Variants in EP400 observed in about 807,000 individuals in gnomAD.
EP400 encodes the protein E1A binding protein p400.
EP400 carries 105 observed loss-of-function variants against 354.1 expected under a neutral mutation model. The observed-to-expected ratio is 0.30, with a 90% CI of 0.25 to 0.35. EP400 has a LOEUF of 0.35. Among genes scored for constraint, EP400 ranks in the 10% least tolerant of loss-of-function variants. The pLI is 1.00. For missense variants in EP400, 3,280 were observed against 4,121.0 expected (o/e 0.80, Z 5.59); for synonymous variants, 1,646 against 1,716.9 (o/e 0.96, Z 1.02).
chr12:132,053,227 C>T lies in EP400; in HGVS notation c.7473+3C>T, dbSNP rs374594848. 6.2e-7 allele frequency: 1 copy of T among 1,613,528 alleles called. No homozygotes were observed. The highest frequency in any genetic ancestry group is 8.5e-7 in the Non-Finnish European group (1 of 1,179,978). ...AGCGAATCGCAAAAGAGAAAAAGGT[C>T]AGCGCCCTGGGCCCTTCTGCTTGAG... On this transcript the variant is annotated splice_donor_region_variant and intron_variant, in intron 42 of 52. Transcript: ENST00000389561.
At chr12:132,071,916 G>A (rs943589217) in intron 51 of EP400, among the ~76,000 whole-genome samples, 1 of 152,190 alleles carries the variant, frequency 6.6e-6, no homozygotes, top group Non-Finnish European at 1.5e-5. Context: ...GAGTACAGGT[G>A]TGTCCGAGGG....
intron 10 of EP400, 120 bp downstream of exon 10, chr12:131,991,576 C>CTTTT (rs878864752): frequency 1.1e-4 from 68 of 593,162 alleles, no homozygotes; most frequent in African/African-American, 4.5e-4. Flanking sequence ...CCTTTCTTTT[C>CTTTT]TTTTTTTTTT....
At position 131,979,549 on chromosome 12, in the gene EP400, A is replaced by T. The variant is rs138451590; in HGVS notation, c.1336-145A>T. On this transcript the variant is annotated intron_variant, in intron 2 of 52. Coordinates refer to ENST00000389561, the MANE Select transcript of EP400 (RefSeq NM_015409.5). ...TATTATACATAAATATACATTACAC[A>T]TGTATATTTAAAGACACGGGGTAGA... 2.4e-3 allele frequency: 1,398 copies of T among 587,560 alleles called. 5 individuals carry two copies. Among genetic ancestry groups the T allele is most frequent in the Non-Finnish European group, 3.7e-3 (1,256 of 343,096 alleles). The allele number at this position is 587,560 out of a possible 1,614,324, so 36.4% of individuals were successfully genotyped here.
chr12:132,031,343 C>T, intron 29 of EP400: 1 of 519,158 alleles, frequency 1.9e-6, no homozygotes, highest in South Asian at 1.4e-5. Flanking sequence ...TTGGGGCCTA[C>T]AAGTTGAGCT....
chr12:131,961,156 G>C lies in EP400; in HGVS notation c.537G>C (p.Gln179His). 2 of 1,607,240 alleles carry C rather than the reference G, an allele frequency of 1.2e-6. No individual in the cohort carries two copies. The highest frequency in any genetic ancestry group is 2.2e-5 in the South Asian group (2 of 89,924). The change falls in exon 2 of 53, where the codon CAG (glutamine) becomes CAC (histidine). Residue 179 changes from glutamine (Q) to histidine (H), a missense_variant. This residue lies in a region of EP400 where 172 missense variants were observed against 242.9 expected (regional missense o/e 0.71). Coordinates refer to ENST00000389561, the MANE Select transcript of EP400 (RefSeq NM_015409.5). Reference protein sequence around the residue: ...GFVDASVLVRQISLSPSSGGH... With the variant: ...GFVDASVLVRHISLSPSSGGH... Reference sequence around the variant, plus strand: ...TGGATGCCAGCGTGCTGGTGAGGCAGATCAGCTTGAGCCCCTCCAGTGGTG... The same window carrying C: ...TGGATGCCAGCGTGCTGGTGAGGCACATCAGCTTGAGCCCCTCCAGTGGTG...
At chr12:131,980,520 G>T (rs949619246) in intron 3 of EP400, among the ~76,000 whole-genome samples, 2 of 151,124 alleles carry the variant, frequency 1.3e-5, no homozygotes, top group African/African-American at 4.9e-5. Context: ...TAGTCTCATG[G>T]TTTTTTTTTC....
rs976095430 is a variant in EP400 at position 131,994,907 on chromosome 12, T to C, written c.2778T>C (p.Asn926=). ...AAACAATTGAAGAGGAGGAAGCAAATGAAGGCGTTGTGGACCACCAAACAG... is the reference window on the plus strand; with the variant it reads ...AAACAATTGAAGAGGAGGAAGCAAACGAAGGCGTTGTGGACCACCAAACAG... ...EEETIEEEEA[N]EGVVDHQTEL... Residue 926 remains asparagine, a synonymous_variant, in exon 12 of 53, where the codon AAT becomes AAC. Transcript: ENST00000389561. The surrounding 1 kb of genome is among the most constrained non-coding windows in gnomAD (Gnocchi z 4.6). The C allele has an allele frequency of 5.6e-6, 9 of 1,613,988 alleles. No homozygotes were observed. The African/African-American group carries it at 1.2e-4, about 22-fold the overall frequency.
intron 41 of EP400, chr12:132,051,080 T>G (rs1895272010): frequency 3.8e-6 from 1 of 265,004 alleles, no homozygotes. Context: ...AATGAATGGA[T>G]GGGTACAGAA....
In EP400 at chr12:132,080,194, G is replaced by A. The variant is rs1278947125; in HGVS notation, c.*2521G>A. ...AACAGTTAGCCAGACTGTTTTTAAA[G>A]CACCTGGCGGGAAGCAGAAGGTTGG... On this transcript the variant is annotated 3_prime_UTR_variant, in exon 53 of 53. Transcript: ENST00000389561. The A allele has an allele frequency of 6.6e-6, 1 of 152,446 alleles. No individual in the cohort carries two copies. The highest frequency in any genetic ancestry group is 1.5e-5 in the Non-Finnish European group (1 of 68,034). The allele number at this position is 152,446 out of a possible 1,614,324, so 9.4% of individuals were successfully genotyped here. A position where few individuals can be genotyped will look rare whatever the true frequency, so the allele number is the denominator to read the frequency against.
intron 51 of EP400, among the ~76,000 whole-genome samples, chr12:132,071,855 A>G (rs1051652934): frequency 2.6e-4 from 39 of 152,308 alleles, no homozygotes; most frequent in Admixed American, 1.9e-3. Flanking sequence ...AACAAATACT[A>G]TAAGTACTTT....
chr12:131,978,177 C>A (rs58590612), intron 2 of EP400, among the ~76,000 whole-genome samples: 22,776 of 152,064 alleles, frequency 0.15, 2,420 homozygotes, highest in African/African-American at 0.31. Flanking sequence ...TGATTTTTTA[C>A]GAGCAGTTTT....
intron 2 of EP400, among the ~76,000 whole-genome samples, chr12:131,970,227 T>C (rs1892241511): frequency 6.6e-6 from 1 of 152,194 alleles, no homozygotes; most frequent in Non-Finnish European, 1.5e-5. Flanking sequence ...GGAGTGCCTA[T>C]CAACACGAAA....
At position 131,961,486 on chromosome 12, in the gene EP400, C is replaced by T. The variant is rs1370666608; in HGVS notation, c.867C>T (p.Pro289=). 2 of 1,568,572 alleles carry T rather than the reference C, an allele frequency of 1.3e-6. No homozygotes were observed. The highest frequency in any genetic ancestry group is 1.1e-5 in the South Asian group (1 of 87,024). The change falls in exon 2 of 53, where the codon CCC becomes CCT. Residue 289 remains proline, a synonymous_variant. Transcript: ENST00000389561. ...AGGTGCTGCAGGGGCCGCCGCTGCC[C>T]CGGCCCCTGGGCTTCGAGAGGACAC... ...QQQVLQGPPL[P]RPLGFERTPG...
chr12:131,987,544 C>G (rs532353127), intron 6 of EP400, among the ~76,000 whole-genome samples, 161 bp from the exon 7 acceptor site: 1 of 152,138 alleles, frequency 6.6e-6, no homozygotes. Context: ...CCTTTGTGTT[C>G]GAATCTTACC....
chr12:132,037,317 T>A (rs564026227), intron 30 of EP400, among the ~76,000 whole-genome samples: 1 of 152,324 alleles, frequency 6.6e-6, no homozygotes, highest in Admixed American at 6.5e-5. Context: ...AAGTGATCAG[T>A]TCTGCCTGTT....
intron 30 of EP400, among the ~76,000 whole-genome samples, chr12:132,035,315 C>T (rs1894657651): frequency 6.6e-6 from 1 of 152,232 alleles, no homozygotes; most frequent in Non-Finnish European, 1.5e-5. Context: ...ATGTGTGTCG[C>T]AGCTTTGTCA....
chr12:131,996,308 T>G, intron 12 of EP400, among the ~76,000 whole-genome samples: 1 of 150,814 alleles, frequency 6.6e-6, no homozygotes, highest in East Asian at 1.9e-4. Flanking sequence ...TTTTTTTTTT[T>G]TTTGAGATGG....
At position 132,029,267 on chromosome 12, in the gene EP400, A is replaced by G. The variant is rs576971878; in HGVS notation, c.5382-434A>G. On this transcript the variant is annotated intron_variant, in intron 27 of 52. Transcript: ENST00000389561. The surrounding 1 kb of genome is among the most constrained non-coding windows in gnomAD (Gnocchi z 4.7). ...AGGTTGGCTGTGCGATCTTCGCTCTATTGTCATTGTCCTGAAGGCTCCTTC... is the reference window on the plus strand; with the variant it reads ...AGGTTGGCTGTGCGATCTTCGCTCTGTTGTCATTGTCCTGAAGGCTCCTTC... 8.5e-5 allele frequency: 15 copies of G among 177,070 alleles called. No individual in the cohort carries two copies. The highest frequency in any genetic ancestry group is 2.2e-4 in the Admixed American group (4 of 17,802). The allele number at this position is 177,070 out of a possible 1,614,324, so 11.0% of individuals were successfully genotyped here. A position where few individuals can be genotyped will look rare whatever the true frequency, so the allele number is the denominator to read the frequency against.
At position 132,064,473 on chromosome 12, in the gene EP400, C is replaced by T. The variant is rs568318157; in HGVS notation, c.8335-195C>T. On this transcript the variant is annotated intron_variant, in intron 47 of 52. Transcript: ENST00000389561. ...AATCCGTGTTTGTAGTTTTCACCGA[C>T]GAATGCACATTTTTAATAAATGAAC... is the stretch of plus-strand genomic sequence containing the variant. 7.9e-5 allele frequency among the ~76,000 whole-genome samples: 12 copies of T among 152,260 alleles called. No individual in the cohort carries two copies. The East Asian group carries it at 1.2e-3, about 15-fold the overall frequency.
Sources: gnomAD v4.1 joint callset for allele counts (sites outside exome capture counted in the v4.1 genomes callset) on GRCh38, gnomAD v4.1.1 for gene constraint, gnomAD v4.1.1 regional missense constraint, Gnocchi (gnomAD v3.1) non-coding constraint, MANE v1.5 for transcripts, NCBI Gene and HGNC (gene_info 2026-07-23, HGNC 2026-07-21) for gene names.